The following FNBP1L variants were observed in gnomAD, a reference collection of about 807,000 sequenced individuals.
FNBP1L encodes the protein formin binding protein 1 like.
FNBP1L carries 36 observed loss-of-function variants against 91.2 expected under a neutral mutation model. The ratio of observed to expected loss-of-function variants is 0.39; its 90% confidence interval spans 0.30 to 0.52. The LOEUF (loss-of-function observed/expected upper bound fraction) is 0.52, where lower values mean the gene tolerates loss of function less well. Ranked by LOEUF, FNBP1L falls within the 20% of genes least tolerant of loss-of-function variation. The pLI, the probability that FNBP1L is intolerant of heterozygous loss-of-function variation, is 0.66. For synonymous variants in FNBP1L, 242 were observed against 237.0 expected (o/e 1.02, Z -0.19); for missense variants, 571 against 732.1 (o/e 0.78, Z 2.54).
At chr1:93,512,199 A>T (rs1670880710) in intron 2 of FNBP1L, among the ~76,000 whole-genome samples, 1 of 152,216 alleles carries the variant, frequency 6.6e-6, no homozygotes, top group Admixed American at 6.5e-5. Flanking sequence ...TGGTAATGGG[A>T]TCAATTCAAC....
intron 1 of FNBP1L, among the ~76,000 whole-genome samples, chr1:93,459,008 C>T (rs1668767157): frequency 6.6e-6 from 1 of 152,216 alleles, no homozygotes; most frequent in Admixed American, 6.5e-5. Context: ...AGCATGGTGG[C>T]TCACGCCTGT....
chr1:93,532,705 A>G (rs1408651352), intron 7 of FNBP1L, among the ~76,000 whole-genome samples: 2 of 152,182 alleles, frequency 1.3e-5, no homozygotes, highest in Non-Finnish European at 2.9e-5. Context: ...TAGGAAAACA[A>G]TACTAAGTGC....
intron 1 of FNBP1L, among the ~76,000 whole-genome samples, chr1:93,485,514 A>G (rs1278614982): frequency 6.6e-6 from 1 of 152,226 alleles, no homozygotes; most frequent in Non-Finnish European, 1.5e-5. Context: ...TCATTACTGT[A>G]TATAACATTC....
rs763100584 is a variant in FNBP1L, at chr1:93,522,123, A to G, written c.182A>G (p.Asp61Gly). 1 of 1,510,990 alleles carries G rather than the reference A, an allele frequency of 6.6e-7. No individual in the cohort carries two copies. Among genetic ancestry groups the G allele is most frequent in the Non-Finnish European group, 8.9e-7 (1 of 1,128,318 alleles). 93.6% of individuals were successfully genotyped at this position (1,510,990 alleles called of 1,614,324 possible). The change falls in exon 3 of 17, where the codon GAT becomes GGT. Residue 61 changes from aspartate to glycine, a missense_variant. Transcript: ENST00000271234. ...KKYCPKRSSK[D>G]EEPRFTSCVA... The stretch of plus-strand genomic sequence containing the variant: ...TACTGCCCCAAACGTTCATCCAAAG[A>G]TGAAGAGCCACGGTAAATTACATAC...
Position 93,523,408 on chromosome 1 carries a change from G to C in FNBP1L, c.259G>C (p.Glu87Gln). ...NELNDYAGQR[E>Q]VVAEEMAHRV... ...GTTAAATGACTATGCAGGACAGCGA[G>C]AAGTTGTAGCAGAAGAAATGGCGCA... The change falls in exon 4 of 17, where the codon GAA becomes CAA. Residue 87 changes from glutamate (E) to glutamine (Q), a missense_variant. Physicochemically the swap from Glu to Gln is conservative, Grantham distance 29. Around this residue, in one of 5 missense-constraint regions of FNBP1L, gnomAD observed 220 missense variants for 313.6 expected, o/e 0.70. Coordinates refer to ENST00000271234, the MANE Select transcript of FNBP1L (RefSeq NM_001164473.3). The C allele has an allele frequency of 2.5e-6, 4 of 1,610,138 alleles. No homozygotes were observed. Among genetic ancestry groups the C allele is most frequent in the Non-Finnish European group, 3.4e-6 (4 of 1,177,994 alleles).
chr1:93,499,182 TA>T (rs1316111363), intron 1 of FNBP1L, among the ~76,000 whole-genome samples: 8 of 151,932 alleles, frequency 5.3e-5, no homozygotes, highest in African/African-American at 1.4e-4. Context: ...AAGGCCAGGA[TA>T]GGGGGGATTT....
intron 1 of FNBP1L, among the ~76,000 whole-genome samples, chr1:93,469,892 C>G: frequency 6.6e-6 from 1 of 152,106 alleles, no homozygotes; most frequent in East Asian, 1.9e-4. Flanking sequence ...CCTGGGAATT[C>G]AAGGTTACAG....
intron 7 of FNBP1L, among the ~76,000 whole-genome samples, chr1:93,532,475 A>C (rs1671709928): frequency 6.6e-6 from 1 of 150,906 alleles, no homozygotes. Context: ...GCCTCAAAAA[A>C]AAAAAAAAAA....
intron 1 of FNBP1L, among the ~76,000 whole-genome samples, chr1:93,486,461 A>T (rs1411491353): frequency 4.2e-5 from 6 of 143,792 alleles, no homozygotes; most frequent in African/African-American, 1.6e-4. Context: ...TTTTTTTTTT[A>T]AAGTGCTTTA....
intron 2 of FNBP1L, among the ~76,000 whole-genome samples, chr1:93,500,796 C>T (rs1164665558): frequency 6.6e-6 from 1 of 152,096 alleles, no homozygotes. Flanking sequence ...TAATAAAAAG[C>T]TTGCTTATAA....
At chr1:93,521,150 C>T (rs1375768143) in intron 2 of FNBP1L, among the ~76,000 whole-genome samples, 2 of 152,236 alleles carry the variant, frequency 1.3e-5, no homozygotes, top group Non-Finnish European at 2.9e-5. Flanking sequence ...ATGCTAGTCT[C>T]TTTCTGATTT....
intron 1 of FNBP1L, among the ~76,000 whole-genome samples, chr1:93,497,894 A>G (rs1279382213): frequency 6.6e-6 from 1 of 152,150 alleles, no homozygotes; most frequent in African/African-American, 2.4e-5. Flanking sequence ...TGCTGGGATT[A>G]CAAGTGTGAG....
At chr1:93,482,966 C>T (rs533071796) in intron 1 of FNBP1L, among the ~76,000 whole-genome samples, 9 of 150,296 alleles carry the variant, frequency 6.0e-5, no homozygotes, top group African/African-American at 2.2e-4. Context: ...TGCAGTGAGC[C>T]GAGATCGTGC....
At chr1:93,474,899 T>G (rs572528923) in intron 1 of FNBP1L, among the ~76,000 whole-genome samples, 24 of 152,372 alleles carry the variant, frequency 1.6e-4, no homozygotes, top group Admixed American at 4.6e-4. Context: ...TGTCTTGTTA[T>G]GAACCTCCAA....
At chr1:93,538,278 A>T (rs1445427837) in intron 10 of FNBP1L, among the ~76,000 whole-genome samples, 1 of 150,228 alleles carries the variant, frequency 6.7e-6, no homozygotes, top group East Asian at 1.9e-4. Flanking sequence ...TTTTTTGAAT[A>T]AGTTTGTAGG....
chr1:93,467,888 A>G (rs72721013), intron 1 of FNBP1L, among the ~76,000 whole-genome samples: 1,761 of 152,180 alleles, frequency 0.012, 17 homozygotes, highest in Non-Finnish European at 0.016. Context: ...AGCCTGGGCA[A>G]CAGAGTGAGA....
At chr1:93,532,357 C>T (rs527434572) in intron 7 of FNBP1L, among the ~76,000 whole-genome samples, 29 of 150,962 alleles carry the variant, frequency 1.9e-4, no homozygotes, top group Non-Finnish European at 4.0e-4. Flanking sequence ...GTCCCAGCTA[C>T]TTGAGAGACC....
intron 1 of FNBP1L, among the ~76,000 whole-genome samples, chr1:93,473,043 A>G (rs750119027): frequency 2.0e-5 from 3 of 152,000 alleles, no homozygotes; most frequent in Non-Finnish European, 4.4e-5. Flanking sequence ...TTTCTGGTTC[A>G]CTGTTAGCAA....
chr1:93,527,873 G>A (rs1671543497), intron 5 of FNBP1L, among the ~76,000 whole-genome samples: 1 of 151,948 alleles, frequency 6.6e-6, no homozygotes, highest in African/African-American at 2.4e-5. Context: ...AATACTTACA[G>A]CTGTTAGCTA....
Sources: gnomAD v4.1 joint callset for allele counts (sites outside exome capture counted in the v4.1 genomes callset) on GRCh38, gnomAD v4.1.1 for gene constraint, gnomAD v4.1.1 regional missense constraint, MANE v1.5 for transcripts, NCBI Gene and HGNC (gene_info 2026-07-23, HGNC 2026-07-21) for gene names.